The following PTPRS variants were observed in gnomAD, a reference collection of about 807,000 sequenced individuals.
PTPRS encodes receptor-type tyrosine-protein phosphatase S.
A neutral mutation model predicts 215.3 loss-of-function variants in PTPRS; 63 were observed. The ratio of observed to expected loss-of-function variants is 0.29; its 90% confidence interval spans 0.24 to 0.36. PTPRS has a LOEUF of 0.36. Ranked by LOEUF, PTPRS falls within the 10% of genes least tolerant of loss-of-function variation. The pLI is 1.00. For missense variants in PTPRS, 2,258 were observed against 2,825.8 expected (o/e 0.80, Z 4.56); for synonymous variants, 1,404 against 1,191.4 (o/e 1.18, Z -3.68).
At chr19:5,225,136 G>C (rs567177439) in intron 17 of PTPRS, among the ~76,000 whole-genome samples, 1 of 152,260 alleles carries the variant, frequency 6.6e-6, no homozygotes, top group South Asian at 2.1e-4. Context: ...AGCCCCTTGG[G>C]GACGATGGAA....
chr19:5,216,113 G>C (rs2041420659), intron 26 of PTPRS, among the ~76,000 whole-genome samples: 1 of 152,180 alleles, frequency 6.6e-6, no homozygotes, highest in African/African-American at 2.4e-5. Context: ...ACTAGGGAGG[G>C]GAAACAGTAT....
At chr19:5,282,797 C>CA (rs553419452) in intron 2 of PTPRS, among the ~76,000 whole-genome samples, 1,316 of 114,086 alleles carry the variant, frequency 0.012, 9 homozygotes, top group African/African-American at 0.028. Context: ...GACTTCATCT[C>CA]AAAAAAAAAA....
intron 16 of PTPRS, among the ~76,000 whole-genome samples, chr19:5,226,541 G>A (rs1475405830): frequency 6.7e-6 from 1 of 149,418 alleles, no homozygotes; most frequent in Non-Finnish European, 1.5e-5. Context: ...GACCAGCCTG[G>A]CCAACATGGT....
At position 5,295,328 on chromosome 19, in the gene PTPRS, T is replaced by A. The variant is rs2049103779; in HGVS notation, c.-94-9094A>T. ...CGGCAGACAAGGGCTTGCCAGCCGC[T>A]TCCCAGCCAGTCCTGCCCTCTCTGG... On this transcript the variant is annotated intron_variant, in intron 1 of 37. Coordinates refer to ENST00000262963, the MANE Select transcript of PTPRS (RefSeq NM_002850.4). This position sits in a 1 kb window ranked among gnomAD's most constrained non-coding sequence, Gnocchi z 4.6. Among the ~76,000 whole-genome samples the A allele has an allele frequency of 6.6e-6, 1 of 152,184 alleles. No homozygotes were observed. Among genetic ancestry groups the A allele is most frequent in the Non-Finnish European group, 1.5e-5 (1 of 68,020 alleles).
chr19:5,340,286 C>G (rs952171450), intron 1 of PTPRS, among the ~76,000 whole-genome samples: 1 of 150,582 alleles, frequency 6.6e-6, no homozygotes, highest in East Asian at 2.0e-4. Flanking sequence ...CGCGCGCCCC[C>G]CTCCGCGCCT....
chr19:5,302,593 G>A lies in PTPRS; in HGVS notation c.-94-16359C>T, dbSNP rs2049335505. 2.0e-5 allele frequency among the ~76,000 whole-genome samples: 3 copies of A among 152,122 alleles called. No individual in the cohort carries two copies. In the South Asian group the frequency reaches 6.2e-4, roughly 31 times the overall value. ...GATGGGATTTTGTTACAAAGAGATTGGCAGGTGTTAGTGTCTGAGATCACC... is the reference window on the plus strand; with the variant it reads ...GATGGGATTTTGTTACAAAGAGATTAGCAGGTGTTAGTGTCTGAGATCACC... On this transcript the variant is annotated intron_variant, in intron 1 of 37. Transcript: ENST00000262963.
intron 12 of PTPRS, among the ~76,000 whole-genome samples, chr19:5,239,571 G>A (rs1308556271): frequency 6.6e-6 from 1 of 151,830 alleles, no homozygotes; most frequent in Non-Finnish European, 1.5e-5. Flanking sequence ...GACACACAGA[G>A]ACAGAGAAAT....
Position 5,229,700 on chromosome 19 carries a change from GGA to G in PTPRS, c.2156-18_2156-17del, listed in dbSNP as rs2042852985. On this transcript the variant is annotated splice_polypyrimidine_tract_variant and intron_variant, in intron 14 of 37. Transcript: ENST00000262963. Reference sequence around the variant, plus strand: ...GCGCTGGGCACTGGCGGGCGGGAGGGGAGGGGAGGGGCGGGCGGAGCCGTTAC... The same window carrying G: ...GCGCTGGGCACTGGCGGGCGGGAGGGGGGGAGGGGCGGGCGGAGCCGTTAC... 8.1e-7 allele frequency: 1 copy of G among 1,239,660 alleles called. No individual in the cohort carries two copies. Among genetic ancestry groups the G allele is most frequent in the Non-Finnish European group, 1.0e-6 (1 of 990,232 alleles). The allele number at this position is 1,239,660 out of a possible 1,614,324, so 76.8% of individuals were successfully genotyped here. A position where few individuals can be genotyped will look rare whatever the true frequency, so the allele number is the denominator to read the frequency against.
intron 35 of PTPRS, among the ~76,000 whole-genome samples, chr19:5,209,221 C>T (rs898404301): frequency 6.6e-6 from 1 of 152,182 alleles, no homozygotes; most frequent in African/African-American, 2.4e-5. Flanking sequence ...CTCAACCATT[C>T]CTCTTTGCAG....
At chr19:5,275,562 T>C (rs1468270938) in intron 2 of PTPRS, among the ~76,000 whole-genome samples, 1 of 149,446 alleles carries the variant, frequency 6.7e-6, no homozygotes, top group Admixed American at 6.7e-5. Flanking sequence ...CCCCAGCACT[T>C]TGGGAGGCTG....
At chr19:5,277,258 C>A (rs2047461106) in intron 2 of PTPRS, among the ~76,000 whole-genome samples, 1 of 151,878 alleles carries the variant, frequency 6.6e-6, no homozygotes, top group Non-Finnish European at 1.5e-5. Context: ...AGGGCTGCAA[C>A]ATACTTACAA....
intron 4 of PTPRS, among the ~76,000 whole-genome samples, chr19:5,265,509 T>G (rs958163956): frequency 6.6e-6 from 1 of 152,108 alleles, no homozygotes; most frequent in Non-Finnish European, 1.5e-5. Context: ...GCCTGGCTAA[T>G]TTTTAAAATT....
chr19:5,276,938 A>G (rs1300780347), intron 2 of PTPRS, among the ~76,000 whole-genome samples: 1 of 151,796 alleles, frequency 6.6e-6, no homozygotes, highest in African/African-American at 2.4e-5. Context: ...TTTCCTTTTT[A>G]TCGACTATTT....
Position 5,293,163 on chromosome 19 carries a change from C to T in PTPRS, c.-94-6929G>A, listed in dbSNP as rs1004206046. On this transcript the variant is annotated intron_variant, in intron 1 of 37. Transcript: ENST00000262963. The surrounding 1 kb of genome is among the most constrained non-coding windows in gnomAD (Gnocchi z 8.4). Reference sequence around the variant, plus strand: ...CACCCCGCGGCTCGGAGATCGGGCCCAGGCCCCGCGAGGCCTCCACAGGGC... The same window carrying T: ...CACCCCGCGGCTCGGAGATCGGGCCTAGGCCCCGCGAGGCCTCCACAGGGC... 7 of 151,570 alleles carry T rather than the reference C, an allele frequency of 4.6e-5. No homozygotes were observed. Among genetic ancestry groups the T allele is most frequent in the African/African-American group, 1.2e-4 (5 of 41,318 alleles). 9.4% of individuals were successfully genotyped at this position (151,570 alleles called of 1,614,324 possible). A position where few individuals can be genotyped will look rare whatever the true frequency, so the allele number is the denominator to read the frequency against.
rs1261076429 is a variant in PTPRS, at chr19:5,293,581, G to A, written c.-94-7347C>T. ...CAGCTCTGATCGTAGCCATGGCAAC[G>A]CATGAGGAGGCTGGATGCCGGACAG... is the stretch of plus-strand genomic sequence containing the variant. On this transcript the variant is annotated intron_variant, in intron 1 of 37. Transcript: ENST00000262963. This position sits in a 1 kb window ranked among gnomAD's most constrained non-coding sequence, Gnocchi z 8.4. Among the ~76,000 whole-genome samples the A allele has an allele frequency of 6.6e-6, 1 of 152,302 alleles. No homozygotes were observed. The highest frequency in any genetic ancestry group is 1.9e-4 in the East Asian group (1 of 5,162).
chr19:5,231,586 AT>A lies in PTPRS; in HGVS notation c.1878del (p.Lys626AsnfsTer12). On this transcript the variant is annotated frameshift_variant, in exon 14 of 38. Transcript: ENST00000262963. LOFTEE classifies it high-confidence loss of function. The stretch of plus-strand genomic sequence containing the variant: ...ATGGCCGTGGAGCGCACGCTGACAC[AT>A]TTAACGTCTTGAGGGGGGGCTGACG... ...SKPSAPPQDV[K>X]CVSVRSTAIL... is the part of the protein sequence containing the mutation. 6.4e-7 allele frequency: 1 copy of A among 1,572,832 alleles called. No homozygotes were observed. Among genetic ancestry groups the A allele is most frequent in the South Asian group, 1.1e-5 (1 of 88,530 alleles).
chr19:5,223,269 C>G lies in PTPRS; in HGVS notation c.2523G>C (p.Gln841His). ...AVLGRPTLSV[Q>H]QTPEGSLLAR... ...CCAGCAGGCTGCCCTCGGGGGTCTG[C>G]TGCACCGACAGGGTTGGGCGGCCCA... The change falls in exon 18 of 38, where the codon CAG (glutamine) becomes CAC (histidine). Residue 841 changes from glutamine (Q) to histidine (H), a missense_variant. Gln to His is a conservative substitution (Grantham distance 24). Coordinates refer to ENST00000262963, the MANE Select transcript of PTPRS (RefSeq NM_002850.4). 1 of 1,470,760 alleles carries G rather than the reference C, an allele frequency of 6.8e-7. No individual in the cohort carries two copies. The highest frequency in any genetic ancestry group is 9.0e-7 in the Non-Finnish European group (1 of 1,116,038). 91.1% of individuals were successfully genotyped at this position (1,470,760 alleles called of 1,614,324 possible).
chr19:5,278,879 C>T (rs563743215), intron 2 of PTPRS, among the ~76,000 whole-genome samples: 10 of 151,850 alleles, frequency 6.6e-5, no homozygotes, highest in South Asian at 2.1e-4. Flanking sequence ...CAAATGGTAC[C>T]GTTGTACGAT....
intron 8 of PTPRS, among the ~76,000 whole-genome samples, chr19:5,256,571 C>A (rs1250364812): frequency 6.6e-6 from 1 of 152,176 alleles, no homozygotes; most frequent in Non-Finnish European, 1.5e-5. Context: ...GCTGTCCACA[C>A]TCTTTTGAGC....
Sources: allele counts gnomAD v4.1 joint callset (sites outside exome capture counted in the v4.1 genomes callset), GRCh38; gene constraint gnomAD v4.1.1; non-coding constraint Gnocchi (gnomAD v3.1); transcripts MANE v1.5; gene names NCBI Gene and HGNC (gene_info 2026-07-23, HGNC 2026-07-21).